The following TRIQK variants were observed in gnomAD, a reference collection of about 807,000 sequenced individuals.
The protein encoded by TRIQK is triple QxxK/R motif-containing protein.
TRIQK carries 10 observed loss-of-function variants against 10.8 expected under a neutral mutation model. The ratio of observed to expected loss-of-function variants is 0.92; its 90% CI spans 0.57 to 1.57. TRIQK has a LOEUF of 1.57. Among genes scored for constraint, TRIQK ranks in the 40% most tolerant of loss-of-function variants. The pLI is 0.00. For synonymous variants in TRIQK, 33 were observed against 33.7 expected (o/e 0.98, Z 0.07); for missense variants, 107 against 97.7 (o/e 1.09, Z -0.40).
upstream of TRIQK, among the ~76,000 whole-genome samples, chr8:92,968,349 T>C (rs1361816788): frequency 6.6e-6 from 1 of 152,200 alleles, no homozygotes; most frequent in Non-Finnish European, 1.5e-5. Context: ...ATGGCGTTTC[T>C]GGTTCTAGAT....
At chr8:92,964,333 T>A (rs1812619593) in intron 1 of TRIQK, among the ~76,000 whole-genome samples, 1 of 152,014 alleles carries the variant, frequency 6.6e-6, no homozygotes, top group Non-Finnish European at 1.5e-5. Context: ...AGGCTTAAAA[T>A]TGTGCATTTT....
chr8:92,917,085 T>C (rs1563630981), intron 2 of TRIQK, 75 bp from the exon 3 acceptor site: 3 of 866,526 alleles, frequency 3.5e-6, no homozygotes, highest in African/African-American at 1.8e-5. Context: ...GTTTATTCTA[T>C]AAAATTCATT....
At chr8:92,911,359 A>G (rs1343085937) in intron 3 of TRIQK, among the ~76,000 whole-genome samples, 3 of 151,354 alleles carry the variant, frequency 2.0e-5, no homozygotes, top group African/African-American at 4.8e-5. Context: ...AGCGAGGAAG[A>G]GAGGAACAAA....
At chr8:93,009,629 A>G in intron 1 of TRIQK, among the ~76,000 whole-genome samples, 1 of 152,108 alleles carries the variant, frequency 6.6e-6, no homozygotes, top group Non-Finnish European at 1.5e-5. Context: ...GACAACAGAT[A>G]AAAATGTTGG....
intron 4 of TRIQK, among the ~76,000 whole-genome samples, chr8:92,889,736 A>G (rs1816668455): frequency 6.6e-6 from 1 of 151,650 alleles, no homozygotes; most frequent in Admixed American, 6.6e-5. Flanking sequence ...AACTCTCCTG[A>G]CAACATTATG....
At chr8:93,000,640 C>G (rs1813200898) in intron 1 of TRIQK, among the ~76,000 whole-genome samples, 1 of 151,864 alleles carries the variant, frequency 6.6e-6, no homozygotes, top group South Asian at 2.1e-4. Flanking sequence ...AAGGAACACA[C>G]AATATAAAAA....
At chr8:92,915,702 T>C (rs1011387047) in intron 3 of TRIQK, among the ~76,000 whole-genome samples, 36 of 149,498 alleles carry the variant, frequency 2.4e-4, no homozygotes, top group Non-Finnish European at 4.4e-4. Flanking sequence ...GGTTTCACCA[T>C]GTTAGCCAGG....
chr8:92,911,184 T>C (rs894488498), intron 3 of TRIQK, among the ~76,000 whole-genome samples: 1 of 151,204 alleles, frequency 6.6e-6, no homozygotes, highest in Non-Finnish European at 1.5e-5. Flanking sequence ...TAGCTTAAAA[T>C]AGACTGTTAA....
At chr8:92,950,645 T>C (rs1427294283) in intron 2 of TRIQK, among the ~76,000 whole-genome samples, 2 of 152,162 alleles carry the variant, frequency 1.3e-5, no homozygotes, top group Non-Finnish European at 2.9e-5. Context: ...AGCCTGACTT[T>C]AGATAAAACT....
At chr8:92,916,873 T>C in intron 3 of TRIQK, 56 bp downstream of exon 3, 2 of 1,240,292 alleles carry the variant, frequency 1.6e-6, no homozygotes, top group Non-Finnish European at 2.1e-6. Flanking sequence ...TTAATATGCA[T>C]AATTGTGTTT....
At chr8:93,014,711 G>A (rs1813367560) in intron 1 of TRIQK, among the ~76,000 whole-genome samples, 1 of 152,026 alleles carries the variant, frequency 6.6e-6, no homozygotes, top group Admixed American at 6.6e-5. Flanking sequence ...AGAGTAGTGT[G>A]GGAGGAGGAG....
chr8:92,998,471 A>G (rs1324720066), intron 1 of TRIQK, among the ~76,000 whole-genome samples: 5 of 152,088 alleles, frequency 3.3e-5, no homozygotes, highest in Admixed American at 1.3e-4. Flanking sequence ...TTAGCACAGT[A>G]CAAAGGCAGA....
Position 92,885,688 on chromosome 8 carries a change from T to C in TRIQK, c.*934A>G, listed in dbSNP as rs557817377. Reference sequence around the variant, plus strand: ...TTATTTTCTCCCTAAAGAGTTCTAATTGATTAAATCTCAAGAGACAAAATG... The same window carrying C: ...TTATTTTCTCCCTAAAGAGTTCTAACTGATTAAATCTCAAGAGACAAAATG... On this transcript the variant is annotated 3_prime_UTR_variant, in exon 5 of 5. Coordinates refer to ENST00000521988, the MANE Select transcript of TRIQK (RefSeq NM_001171797.2). The C allele has an allele frequency of 2.0e-5, 3 of 151,898 alleles. No individual in the cohort carries two copies. Among genetic ancestry groups the C allele is most frequent in the African/African-American group, 7.2e-5 (3 of 41,522 alleles). The allele number at this position is 151,898 out of a possible 1,614,324, so 9.4% of individuals were successfully genotyped here.
intron 1 of TRIQK, among the ~76,000 whole-genome samples, chr8:92,959,518 CACACAA>C (rs1277454540): frequency 2.1e-5 from 3 of 141,920 alleles, no homozygotes; most frequent in Admixed American, 6.9e-5. Flanking sequence ...CACACACACA[CACACAA>C]AATGGCTTTT....
chr8:93,003,384 A>G (rs981387367), intron 1 of TRIQK, among the ~76,000 whole-genome samples: 1 of 151,132 alleles, frequency 6.6e-6, no homozygotes. Context: ...AGCAGATCTC[A>G]TGACAGCTCA....
intron 1 of TRIQK, among the ~76,000 whole-genome samples, chr8:92,996,074 C>T (rs1813151367): frequency 6.6e-6 from 1 of 152,018 alleles, no homozygotes. Flanking sequence ...GTTTTTAGAA[C>T]CTCCCTGAGT....
Position 92,885,884 on chromosome 8 carries a change from A to G in TRIQK, c.*738T>C, listed in dbSNP as rs1012714053. 2.0e-5 allele frequency: 3 copies of G among 151,756 alleles called. No individual in the cohort carries two copies. Among genetic ancestry groups the G allele is most frequent in the African/African-American group, 7.2e-5 (3 of 41,404 alleles). The allele number at this position is 151,756 out of a possible 1,614,324, so 9.4% of individuals were successfully genotyped here. ...GGGCGAACTGATACTACAAGCAGCC[A>G]GAACAACATAATTAGAATAGAATTC... On this transcript the variant is annotated 3_prime_UTR_variant, in exon 5 of 5. Transcript: ENST00000521988.
At chr8:92,887,664 G>T (rs1816558052) in intron 4 of TRIQK, among the ~76,000 whole-genome samples, 1 of 151,348 alleles carries the variant, frequency 6.6e-6, no homozygotes, top group South Asian at 2.1e-4. Context: ...CCTTTACCTA[G>T]CACTGCTTTA....
chr8:92,962,653 G>A (rs1479510168), intron 1 of TRIQK, among the ~76,000 whole-genome samples: 1 of 152,072 alleles, frequency 6.6e-6, no homozygotes, highest in Non-Finnish European at 1.5e-5. Flanking sequence ...AACAGTCCTG[G>A]CCTCAGATCC....
Sources: gnomAD v4.1 joint callset for allele counts (sites outside exome capture counted in the v4.1 genomes callset) on GRCh38, gnomAD v4.1.1 for gene constraint, MANE v1.5 for transcripts, NCBI Gene and HGNC (gene_info 2026-07-23, HGNC 2026-07-21) for gene names.